The following ITK variants were observed in gnomAD, a reference collection of about 807,000 sequenced individuals.
The protein encoded by ITK is tyrosine-protein kinase ITK/TSK.
In ITK, 45 loss-of-function variants were observed where a neutral mutation model predicts 87.6. That is an observed-to-expected ratio of 0.51 (90% CI 0.40 to 0.66). The LOEUF is 0.66. ITK is among the 30% of genes least tolerant of loss of function. The pLI is 0.00. For missense variants in ITK, 605 were observed against 766.3 expected (o/e 0.79, Z 2.48); for synonymous variants, 303 against 273.6 (o/e 1.11, Z -1.06).
chr5:157,197,845 AT>A (rs2113744190), intron 1 of ITK, among the ~76,000 whole-genome samples: 1 of 152,332 alleles, frequency 6.6e-6, no homozygotes, highest in Non-Finnish European at 1.5e-5. Context: ...TTTTAGTGTA[AT>A]AAATAATGCT....
At chr5:157,186,574 G>T (rs996530823) in intron 1 of ITK, among the ~76,000 whole-genome samples, 1 of 152,088 alleles carries the variant, frequency 6.6e-6, no homozygotes, top group Non-Finnish European at 1.5e-5. Context: ...TACTCGGGAG[G>T]CTGAAGCAGG....
chr5:157,212,446 G>A (rs1325995190), intron 3 of ITK, among the ~76,000 whole-genome samples: 1 of 152,198 alleles, frequency 6.6e-6, no homozygotes, highest in East Asian at 1.9e-4. Context: ...AATCGGTTAT[G>A]AGCAGACAAG....
At chr5:157,207,150 A>T (rs981111660) in intron 1 of ITK, among the ~76,000 whole-genome samples, 6 of 152,110 alleles carry the variant, frequency 3.9e-5, no homozygotes, top group African/African-American at 1.4e-4. Flanking sequence ...TTTTAATGAG[A>T]TTAATCAAAA....
intron 16 of ITK, among the ~76,000 whole-genome samples, chr5:157,250,097 A>G (rs1348679822): frequency 1.3e-5 from 2 of 151,892 alleles, no homozygotes; most frequent in Non-Finnish European, 2.9e-5. Context: ...CATAGTTTAC[A>G]TTAAGGTTCA....
chr5:157,224,781 A>G (rs1754498673), intron 6 of ITK, among the ~76,000 whole-genome samples: 1 of 152,164 alleles, frequency 6.6e-6, no homozygotes, highest in African/African-American at 2.4e-5. Flanking sequence ...AATCCATCTC[A>G]AAAATAATCA....
At chr5:157,203,082 C>G (rs531081442) in intron 1 of ITK, among the ~76,000 whole-genome samples, 2 of 152,158 alleles carry the variant, frequency 1.3e-5, no homozygotes, top group African/African-American at 4.8e-5. Context: ...ACTTTTTGGT[C>G]TCTTCTTAGA....
In ITK at chr5:157,180,895, T is replaced by G. The variant is rs1753498125; in HGVS notation, c.-83T>G. ...TCTCTGAAGATCAACTGCCTCCACA[T>G]TGCATTCTTTGCCCCAAAACTCTTT... is the stretch of plus-strand genomic sequence containing the variant. On this transcript the variant is annotated 5_prime_UTR_variant, in exon 1 of 17. Coordinates refer to ENST00000422843, the MANE Select transcript of ITK (RefSeq NM_005546.4). 1 of 1,386,336 alleles carries G rather than the reference T, an allele frequency of 7.2e-7. No homozygotes were observed. Among genetic ancestry groups the G allele is most frequent in the African/African-American group, 1.4e-5 (1 of 70,322 alleles). The allele number at this position is 1,386,336 out of a possible 1,614,324, so 85.9% of individuals were successfully genotyped here.
At chr5:157,195,131 C>T (rs1561648181) in intron 1 of ITK, 1 of 152,146 alleles carries the variant, frequency 6.6e-6, no homozygotes, top group Non-Finnish European at 1.5e-5. Context: ...AGATCCCAGG[C>T]CCCCACGTTC....
chr5:157,210,443 C>G (rs1413734240), intron 2 of ITK, among the ~76,000 whole-genome samples: 1 of 151,082 alleles, frequency 6.6e-6, no homozygotes, highest in Non-Finnish European at 1.5e-5. Context: ...TGTTCAAAAT[C>G]TCAATGATAA....
chr5:157,224,934 T>C (rs1754501835), intron 6 of ITK, among the ~76,000 whole-genome samples: 1 of 151,806 alleles, frequency 6.6e-6, no homozygotes, highest in South Asian at 2.1e-4. Context: ...CTTGTATTCA[T>C]GTATCTTGGC....
intron 1 of ITK, among the ~76,000 whole-genome samples, chr5:157,187,791 G>A (rs1460755921): frequency 2.6e-5 from 4 of 151,686 alleles, no homozygotes; most frequent in Non-Finnish European, 5.9e-5. Context: ...TAAAGCCTCC[G>A]TAGATAATAT....
At chr5:157,200,266 A>AT (rs2067343) in intron 1 of ITK, among the ~76,000 whole-genome samples, 18,763 of 152,182 alleles carry the variant, frequency 0.12, 1,677 homozygotes, top group African/African-American at 0.25. Context: ...TGAGGATGGC[A>AT]TATCTTTGAA....
chr5:157,231,716 T>C (rs972612254), intron 7 of ITK, among the ~76,000 whole-genome samples: 1 of 152,100 alleles, frequency 6.6e-6, no homozygotes, highest in African/African-American at 2.4e-5. Flanking sequence ...AAAAAAAAAC[T>C]TCATCCCTAA....
At chr5:157,187,714 G>A (rs1296993202) in intron 1 of ITK, among the ~76,000 whole-genome samples, 5 of 152,090 alleles carry the variant, frequency 3.3e-5, no homozygotes, top group Admixed American at 2.0e-4. Flanking sequence ...CTTTTTAGGA[G>A]AATTAAGCAA....
chr5:157,221,665 C>A (rs1391654154), intron 5 of ITK, among the ~76,000 whole-genome samples: 1 of 152,188 alleles, frequency 6.6e-6, no homozygotes, highest in Non-Finnish European at 1.5e-5. Flanking sequence ...TCTGACCTTT[C>A]TCTTCACAGC....
chr5:157,186,380 A>AG lies in ITK; in HGVS notation c.138+5265_138+5266insG, dbSNP rs1273981850. On this transcript the variant is annotated intron_variant, in intron 1 of 16. Coordinates refer to ENST00000422843, the MANE Select transcript of ITK (RefSeq NM_005546.4). ...GCTATGTGTCTTAAAAAAAAAAAAA[A>AG]AGAGAGAGAGAGAGGCGGGCACGAT... 9.6e-3 allele frequency among the ~76,000 whole-genome samples: 1,456 copies of AG among 150,920 alleles called. 26 individuals are homozygous for AG. The highest frequency in any genetic ancestry group is 0.034 in the African/African-American group (1,387 of 41,060).
Position 157,186,709 on chromosome 5 carries a change from A to AGC in ITK, c.138+5595_138+5596dup, listed in dbSNP as rs1554099723. ...GAGAGAGAGAGAGAGAGAGAGAGAGAGCCTTGGCAAGCTTTGCCTCCTAAA... is the reference window on the plus strand; with the variant it reads ...GAGAGAGAGAGAGAGAGAGAGAGAGAGCGCCTTGGCAAGCTTTGCCTCCTAAA... On this transcript the variant is annotated intron_variant, in intron 1 of 16. Transcript: ENST00000422843. Among the ~76,000 whole-genome samples, 263 of 149,870 alleles carry AGC rather than the reference A, an allele frequency of 1.8e-3. 4 individuals are homozygous for AGC. Among genetic ancestry groups the AGC allele is most frequent in the African/African-American group, 6.3e-3 (257 of 40,688 alleles).
At chr5:157,215,588 C>A (rs30141) in intron 4 of ITK, among the ~76,000 whole-genome samples, 34,444 of 152,182 alleles carry the variant, frequency 0.23, 4,599 homozygotes, top group Admixed American at 0.3. Context: ...AAAGTTTTCT[C>A]TGGATAGGAT....
intron 11 of ITK, among the ~76,000 whole-genome samples, chr5:157,242,196 C>A (rs1471555898): frequency 6.6e-6 from 1 of 152,174 alleles, no homozygotes; most frequent in Non-Finnish European, 1.5e-5. Context: ...GTGGCATGAT[C>A]TCCAGTGCCG....
Sources: gnomAD v4.1 joint callset for allele counts (sites outside exome capture counted in the v4.1 genomes callset) on GRCh38, gnomAD v4.1.1 for gene constraint, MANE v1.5 for transcripts, NCBI Gene and HGNC (gene_info 2026-07-23, HGNC 2026-07-21) for gene names.